The following MGMT variants were observed in gnomAD, a reference collection of about 807,000 sequenced individuals.
The protein encoded by MGMT is methylated-DNA--protein-cysteine methyltransferase.
In MGMT, 14 loss-of-function variants were observed where a neutral mutation model predicts 15.9. The observed-to-expected ratio is 0.88, with a 90% CI of 0.58 to 1.37. The LOEUF (loss-of-function observed/expected upper bound fraction) is 1.37, where lower values mean the gene tolerates loss of function less well. Ranked by LOEUF, MGMT falls within the 40% of genes most tolerant of loss-of-function variation. The pLI is 0.00. For synonymous variants in MGMT, 130 were observed against 118.2 expected (o/e 1.10, Z -0.65); for missense variants, 282 against 268.1 (o/e 1.05, Z -0.36).
intron 2 of MGMT, among the ~76,000 whole-genome samples, chr10:129,621,832 T>C (rs963348657): frequency 7.9e-5 from 12 of 152,206 alleles, no homozygotes; most frequent in East Asian, 5.8e-4. Flanking sequence ...AATTAGAAAA[T>C]GTTGAATCAC....
intron 2 of MGMT, among the ~76,000 whole-genome samples, chr10:129,699,803 T>C (rs1430444583): frequency 1.3e-5 from 2 of 152,194 alleles, no homozygotes; most frequent in Non-Finnish European, 2.9e-5. Context: ...GCGCTAGGAA[T>C]GGGCTGTGCT....
At position 129,759,290 on chromosome 10, in the gene MGMT, A is replaced by C. The variant is rs1265147032; in HGVS notation, c.363A>C (p.Ala121=). Residue 121 remains alanine (A), a synonymous_variant, in exon 4 of 5, where the codon GCA becomes GCC. Coordinates refer to ENST00000651593, the MANE Select transcript of MGMT (RefSeq NM_002412.5). Reference sequence around the variant, plus strand: ...CTTACCAGCAATTAGCAGCCCTGGCAGGCAACCCCAAAGCCGCGCGAGCAG... The same window carrying C: ...CTTACCAGCAATTAGCAGCCCTGGCCGGCAACCCCAAAGCCGCGCGAGCAG... ...VISYQQLAAL[A]GNPKAARAVG... is the part of the protein sequence containing the mutation. The C allele has an allele frequency of 6.2e-7, 1 of 1,614,202 alleles. No homozygotes were observed. Among genetic ancestry groups the C allele is most frequent in the South Asian group, 1.1e-5 (1 of 91,084 alleles).
intron 2 of MGMT, among the ~76,000 whole-genome samples, chr10:129,646,719 AATATATATATAT>A (rs10543851): frequency 0.017 from 1,373 of 81,702 alleles, 101 homozygotes; most frequent in African/African-American, 0.056. Context: ...GCCCATCAGA[AATATATATATAT>A]ATATATATAT....
chr10:129,518,155 T>C (rs1267745651), intron 1 of MGMT, among the ~76,000 whole-genome samples: 1 of 152,000 alleles, frequency 6.6e-6, no homozygotes. Context: ...CCAGCATTGG[T>C]GTCCTGGCCA....
Position 129,770,941 on chromosome 10 carries a change from T to C in MGMT, c.*3944T>C, listed in dbSNP as rs1848993612. ...GTGTGGGTTTTTTTTTCTTTCTTTC[T>C]TTCCTGTTCATGGGCATTTGATTAA... On this transcript the variant is annotated 3_prime_UTR_variant, in exon 5 of 5. Transcript: ENST00000651593. Among the ~76,000 whole-genome samples the C allele has an allele frequency of 6.6e-6, 1 of 152,134 alleles. No homozygotes were observed. Among genetic ancestry groups the C allele is most frequent in the Non-Finnish European group, 1.5e-5 (1 of 68,024 alleles).
At chr10:129,675,753 G>A (rs1385344857) in intron 2 of MGMT, among the ~76,000 whole-genome samples, 1 of 152,316 alleles carries the variant, frequency 6.6e-6, no homozygotes, top group Non-Finnish European at 1.5e-5. Context: ...GAGCATCAGG[G>A]AGAAGAGAGA....
intron 2 of MGMT, among the ~76,000 whole-genome samples, chr10:129,696,128 CT>C (rs1848029320): frequency 6.6e-6 from 1 of 152,160 alleles, no homozygotes; most frequent in South Asian, 2.1e-4. Flanking sequence ...TAATGACCCC[CT>C]GGCTCCTCCC....
chr10:129,709,970 C>T (rs554828164), intron 3 of MGMT, among the ~76,000 whole-genome samples: 3 of 152,350 alleles, frequency 2.0e-5, no homozygotes, highest in Non-Finnish European at 2.9e-5. Flanking sequence ...ACTGAACCCC[C>T]GCTGAGCCTT....
At chr10:129,761,276 C>T (rs1023575285) in intron 4 of MGMT, among the ~76,000 whole-genome samples, 1 of 152,162 alleles carries the variant, frequency 6.6e-6, no homozygotes, top group African/African-American at 2.4e-5. Flanking sequence ...TTGTCTTCTC[C>T]CCACTGAGGT....
chr10:129,536,510 C>A, intron 2 of MGMT, 133 bp downstream of exon 2: 6 of 1,163,610 alleles, frequency 5.2e-6, no homozygotes, highest in African/African-American at 1.6e-5. Flanking sequence ...ACCACGAGTC[C>A]GTCTCTCAAA....
chr10:129,614,660 C>T (rs1316726685), intron 2 of MGMT, among the ~76,000 whole-genome samples: 2 of 152,156 alleles, frequency 1.3e-5, no homozygotes, highest in African/African-American at 4.8e-5. Flanking sequence ...CACTTGGTCT[C>T]TTGACCTCGA....
Position 129,745,377 on chromosome 10 carries a change from G to A in MGMT, c.275-13825G>A, listed in dbSNP as rs142937200. 8.4e-3 allele frequency among the ~76,000 whole-genome samples: 1,242 copies of A among 148,556 alleles called. 19 individuals carry two copies. The highest frequency in any genetic ancestry group is 0.03 in the African/African-American group (1,184 of 40,096). ...AGTTCCACCACCTGGACACCCCCAC[G>A]CCGCCCCCTGGCAGCCACGGCCTCT... is the stretch of plus-strand genomic sequence containing the variant. On this transcript the variant is annotated intron_variant, in intron 3 of 4. Transcript: ENST00000651593.
chr10:129,558,910 C>A (rs939421313), intron 2 of MGMT, among the ~76,000 whole-genome samples: 1 of 152,154 alleles, frequency 6.6e-6, no homozygotes, highest in African/African-American at 2.4e-5. Flanking sequence ...TCCCCGACGC[C>A]GGGCTGGTCT....
chr10:129,689,120 G>A (rs1000879674), intron 2 of MGMT, among the ~76,000 whole-genome samples: 2 of 152,012 alleles, frequency 1.3e-5, no homozygotes, highest in Non-Finnish European at 2.9e-5. Flanking sequence ...TGTAGAGATG[G>A]GGTTTAGCCA....
At chr10:129,604,839 C>T (rs1349694020) in intron 2 of MGMT, among the ~76,000 whole-genome samples, 1 of 151,502 alleles carries the variant, frequency 6.6e-6, no homozygotes, top group African/African-American at 2.4e-5. Context: ...AAGATACTGC[C>T]AGAGCCTGCC....
intron 2 of MGMT, among the ~76,000 whole-genome samples, chr10:129,571,469 G>A (rs1846418602): frequency 6.6e-6 from 1 of 152,196 alleles, no homozygotes; most frequent in South Asian, 2.1e-4. Context: ...ACAACGTATG[G>A]CTGCTGTTTG....
intron 2 of MGMT, among the ~76,000 whole-genome samples, chr10:129,628,517 G>T (rs1052320168): frequency 5.3e-5 from 8 of 152,128 alleles, no homozygotes; most frequent in Admixed American, 5.2e-4. Flanking sequence ...CATTGACCCC[G>T]TGGTGCTTTC....
intron 3 of MGMT, among the ~76,000 whole-genome samples, chr10:129,714,068 G>A (rs892041603): frequency 1.3e-5 from 2 of 152,168 alleles, no homozygotes; most frequent in African/African-American, 4.8e-5. Flanking sequence ...TTGGGGGCTC[G>A]CAGCCCCAGC....
chr10:129,529,869 C>T (rs1845911510), intron 1 of MGMT, among the ~76,000 whole-genome samples: 1 of 151,798 alleles, frequency 6.6e-6, no homozygotes. Flanking sequence ...CTCTTTATTT[C>T]TTTGTATAGC....
Sources: gnomAD v4.1 joint callset for allele counts (sites outside exome capture counted in the v4.1 genomes callset) on GRCh38, gnomAD v4.1.1 for gene constraint, MANE v1.5 for transcripts, NCBI Gene and HGNC (gene_info 2026-07-23, HGNC 2026-07-21) for gene names.